SPOP: variants seen among roughly 807,000 people sequenced by gnomAD.
SPOP encodes the protein speckle-type POZ protein.
A neutral mutation model predicts 45.6 loss-of-function variants in SPOP; 11 were observed. That is an observed-to-expected ratio of 0.24 (90% CI 0.15 to 0.40). The LOEUF is 0.40. SPOP is among the 10% of genes least tolerant of loss of function. The probability of loss-of-function intolerance (pLI) is 1.00; values close to 1 mark genes in which losing one functional copy is unlikely to be tolerated. For missense variants in SPOP, 152 were observed against 465.6 expected, an observed-to-expected ratio of 0.33 and a Z score of 6.20; for synonymous variants, 166 against 166.3, an observed-to-expected ratio of 1.00 and a Z score of 0.01.
Position 49,601,950 on chromosome 17 carries a change from C to G in SPOP, c.895G>C (p.Val299Leu). ...CEDALCSNLS[V>L]ENAAEILILA... ...ATGAGAATTTCTGCAGCGTTCTCCA[C>G]GGACAGGTTACTGCAGAGGGCATCC... Residue 299 changes from valine (V) to leucine (L), a missense_variant, in exon 9 of 10, where the codon GTG (valine) becomes CTG (leucine). By Grantham distance (32) the Val-to-Leu change is conservative. Coordinates refer to ENST00000504102, the MANE Select transcript of SPOP (RefSeq NM_001007228.2). 1 of 1,614,128 alleles carries G rather than the reference C, an allele frequency of 6.2e-7. No individual in the cohort carries two copies. The highest frequency in any genetic ancestry group is 1.7e-5 in the Admixed American group (1 of 60,020).
intron 8 of SPOP, among the ~76,000 whole-genome samples, chr17:49,603,196 G>T (rs990182039): frequency 7.2e-5 from 11 of 152,210 alleles, no homozygotes; most frequent in African/African-American, 2.4e-4. Context: ...GGTTTTATTG[G>T]TTTTGGTGCA....
At chr17:49,624,331 G>GCACACACACACACACA (rs58009760) in intron 1 of SPOP, among the ~76,000 whole-genome samples, 3 of 149,308 alleles carry the variant, frequency 2.0e-5, no homozygotes, top group African/African-American at 5.0e-5. Context: ...GCGCGCGCGC[G>GCACACACACACACACA]CACACACACA....
intron 1 of SPOP, among the ~76,000 whole-genome samples, chr17:49,662,398 C>T (rs373609096): frequency 1.2e-4 from 18 of 152,076 alleles, no homozygotes; most frequent in South Asian, 8.3e-4. Context: ...ATGGTAATTC[C>T]AGGCCAGGCG....
intron 1 of SPOP, among the ~76,000 whole-genome samples, chr17:49,626,827 C>T (rs1243679979): frequency 6.6e-6 from 1 of 152,096 alleles, no homozygotes; most frequent in African/African-American, 2.4e-5. Context: ...AGATGTTATT[C>T]CCATGGTCAT....
At chr17:49,632,285 A>C (rs1043603956) in intron 1 of SPOP, among the ~76,000 whole-genome samples, 1 of 152,212 alleles carries the variant, frequency 6.6e-6, no homozygotes, top group African/African-American at 2.4e-5. Flanking sequence ...AAAACTATTT[A>C]TACCCTTCCC....
intron 5 of SPOP, 114 bp from the exon 6 acceptor site, chr17:49,611,571 T>C (rs1299050907): frequency 2.1e-6 from 2 of 965,042 alleles, no homozygotes; most frequent in African/African-American, 1.7e-5. Context: ...ATATTAATCA[T>C]ATTATCTTGA....
At chr17:49,652,632 C>T (rs1567796936) in intron 1 of SPOP, among the ~76,000 whole-genome samples, 1 of 152,134 alleles carries the variant, frequency 6.6e-6, no homozygotes, top group Admixed American at 6.5e-5. Context: ...AAATAGCAAG[C>T]CATTTAGAAG....
intron 1 of SPOP, among the ~76,000 whole-genome samples, chr17:49,637,443 C>G (rs1188945082): frequency 6.6e-6 from 1 of 152,032 alleles, no homozygotes; most frequent in African/African-American, 2.4e-5. Context: ...CTCCACCTCC[C>G]ACGTTCAAGC....
chr17:49,599,914 T>C lies in SPOP; in HGVS notation c.*464A>G, dbSNP rs1340568991. On this transcript the variant is annotated 3_prime_UTR_variant, in exon 10 of 10. Transcript: ENST00000504102. ...TAAAATTTGTTTCTCTCAATATAAA[T>C]ACTACTGGAATCCACAAACTGATTT... The C allele has an allele frequency of 8.7e-6, 2 of 228,838 alleles. No homozygotes were observed. Among genetic ancestry groups the C allele is most frequent in the African/African-American group, 2.2e-5 (1 of 44,826 alleles). 14.2% of individuals were successfully genotyped at this position (228,838 alleles called of 1,614,324 possible). A position where few individuals can be genotyped will look rare whatever the true frequency, so the allele number is the denominator to read the frequency against.
chr17:49,653,547 A>G (rs1311076181), intron 1 of SPOP, among the ~76,000 whole-genome samples: 1 of 152,076 alleles, frequency 6.6e-6, no homozygotes, highest in Non-Finnish European at 1.5e-5. Flanking sequence ...GCAAACAAGT[A>G]TATCTAAACA....
intron 1 of SPOP, among the ~76,000 whole-genome samples, chr17:49,675,727 A>C (rs972280221): frequency 6.6e-6 from 1 of 152,228 alleles, no homozygotes; most frequent in East Asian, 1.9e-4. Flanking sequence ...AAATGTTTCT[A>C]GAAAAAATCA....
chr17:49,611,562 T>C, intron 5 of SPOP, 105 bp from the exon 6 acceptor site: 2 of 1,000,050 alleles, frequency 2.0e-6, no homozygotes, highest in Non-Finnish European at 3.1e-6. Context: ...CAGATACTAA[T>C]ATTAATCATA....
chr17:49,625,071 G>A (rs930307853), intron 1 of SPOP, among the ~76,000 whole-genome samples: 2 of 152,068 alleles, frequency 1.3e-5, no homozygotes, highest in Non-Finnish European at 2.9e-5. Context: ...CACCCCCAGA[G>A]TTTCTGATTC....
rs917948756 is a variant in SPOP, at chr17:49,607,136, G to A, written c.837+114C>T. Reference sequence around the variant, plus strand: ...ATATGTGTAAACCAGGACCGTCTTGGCCAAACCAAGATATATGCTCATTTT... The same window carrying A: ...ATATGTGTAAACCAGGACCGTCTTGACCAAACCAAGATATATGCTCATTTT... On this transcript the variant is annotated intron_variant, in intron 8 of 9. Coordinates refer to ENST00000504102, the MANE Select transcript of SPOP (RefSeq NM_001007228.2). The A allele has an allele frequency of 6.3e-6, 9 of 1,418,392 alleles. 1 individual carries two copies. The highest frequency in any genetic ancestry group is 8.8e-6 in the Non-Finnish European group (9 of 1,027,928). 87.9% of individuals were successfully genotyped at this position (1,418,392 alleles called of 1,614,324 possible). A position where few individuals can be genotyped will look rare whatever the true frequency, so the allele number is the denominator to read the frequency against.
At position 49,600,562 on chromosome 17, in the gene SPOP, A is replaced by G; in HGVS notation, c.981-40T>C. ...GAGAAATGGGTTACCAAAGGGAGTG[A>G]GCAAGGGATGAATTCAACAGCCACC... On this transcript the variant is annotated intron_variant, in intron 9 of 9. Transcript: ENST00000504102. This position sits in a 1 kb window ranked among gnomAD's most constrained non-coding sequence, Gnocchi z 4.2. 6.2e-7 allele frequency: 1 copy of G among 1,612,566 alleles called. No individual in the cohort carries two copies. Among genetic ancestry groups the G allele is most frequent in the Non-Finnish European group, 8.5e-7 (1 of 1,179,080 alleles).
chr17:49,613,026 A>G (rs2072008470), intron 5 of SPOP: 1 of 152,238 alleles, frequency 6.6e-6, no homozygotes, highest in African/African-American at 2.4e-5. Flanking sequence ...GGGCAATGAA[A>G]CAGCCAAGTT....
chr17:49,607,334 A>G lies in SPOP; in HGVS notation c.753T>C (p.Phe251=). The G allele has an allele frequency of 1.2e-6, 2 of 1,614,054 alleles. No homozygotes were observed. Among genetic ancestry groups the G allele is most frequent in the Non-Finnish European group, 1.7e-6 (2 of 1,179,980 alleles). Reference sequence around the variant, plus strand: ...TGTAAATGAAGCACATCATTTCCTTAAAAACTTCAGGCTCCACATCATTGA... The same window carrying G: ...TGTAAATGAAGCACATCATTTCCTTGAAAACTTCAGGCTCCACATCATTGA... ...VEINDVEPEV[F]KEMMCFIYTG... is the part of the protein sequence containing the mutation. Residue 251 remains phenylalanine (F), a synonymous_variant, in exon 8 of 10, where the codon TTT becomes TTC. Coordinates refer to ENST00000504102, the MANE Select transcript of SPOP (RefSeq NM_001007228.2).
chr17:49,651,370 G>A (rs980825114), intron 1 of SPOP, among the ~76,000 whole-genome samples: 3 of 152,254 alleles, frequency 2.0e-5, no homozygotes, highest in East Asian at 1.9e-4. Flanking sequence ...TTCAAATTAA[G>A]TCAACTGTCA....
intron 1 of SPOP, among the ~76,000 whole-genome samples, chr17:49,647,984 T>G (rs1055899901): frequency 2.0e-5 from 3 of 152,348 alleles, no homozygotes; most frequent in Admixed American, 1.3e-4. Context: ...TACCATTCTT[T>G]AATTATATTC....
Sources: allele counts gnomAD v4.1 joint callset (sites outside exome capture counted in the v4.1 genomes callset), GRCh38; gene constraint gnomAD v4.1.1; non-coding constraint Gnocchi (gnomAD v3.1); transcripts MANE v1.5; gene names NCBI Gene and HGNC (gene_info 2026-07-23, HGNC 2026-07-21).